PTPN9: variants seen among roughly 807,000 people sequenced by gnomAD.
PTPN9 encodes the protein protein tyrosine phosphatase non-receptor type 9.
In PTPN9, 26 loss-of-function variants were observed where a neutral mutation model predicts 69.8. The observed-to-expected ratio is 0.37, with a 90% CI of 0.27 to 0.52. The LOEUF is 0.52. Among genes scored for constraint, PTPN9 ranks in the 20% least tolerant of loss-of-function variants. PTPN9 has a pLI of 0.91. For synonymous variants in PTPN9, 274 were observed against 272.5 expected, an observed-to-expected ratio of 1.01 and a Z score of -0.05; for missense variants, 549 against 740.3, an observed-to-expected ratio of 0.74 and a Z score of 3.00.
intron 1 of PTPN9, among the ~76,000 whole-genome samples, chr15:75,574,347 G>GGGGC (rs996424119): frequency 2.6e-5 from 4 of 151,860 alleles, no homozygotes; most frequent in African/African-American, 2.4e-5. Flanking sequence ...GCTTCTTTGC[G>GGGGC]GGGCAGGCAG....
At chr15:75,520,051 G>A (rs964355196) in intron 4 of PTPN9, among the ~76,000 whole-genome samples, 4 of 152,218 alleles carry the variant, frequency 2.6e-5, no homozygotes, top group African/African-American at 9.6e-5. Flanking sequence ...GATCATTTGA[G>A]CCCAGGAGTT....
intron 1 of PTPN9, among the ~76,000 whole-genome samples, chr15:75,547,833 T>G (rs1399757730): frequency 6.6e-6 from 1 of 151,844 alleles, no homozygotes; most frequent in African/African-American, 2.4e-5. Context: ...ACCCGGCTAA[T>G]TTTTGTATTT....
intron 1 of PTPN9, among the ~76,000 whole-genome samples, chr15:75,539,115 G>T (rs2074997471): frequency 6.6e-6 from 1 of 152,082 alleles, no homozygotes; most frequent in Non-Finnish European, 1.5e-5. Flanking sequence ...GGCCGGGCGT[G>T]GTGGCTCACG....
intron 4 of PTPN9, among the ~76,000 whole-genome samples, chr15:75,518,802 G>GC (rs1194663991): frequency 1.4e-5 from 2 of 147,056 alleles, no homozygotes; most frequent in Non-Finnish European, 3.0e-5. Flanking sequence ...GGGCAACAGA[G>GC]CGAGACTCCA....
chr15:75,541,720 T>C (rs1272955708), intron 1 of PTPN9, among the ~76,000 whole-genome samples: 2 of 151,824 alleles, frequency 1.3e-5, no homozygotes, highest in East Asian at 2.0e-4. Flanking sequence ...TTATTTTTTG[T>C]TTTTGAGACG....
intron 1 of PTPN9, among the ~76,000 whole-genome samples, chr15:75,559,515 G>C (rs191391402): frequency 7.2e-5 from 11 of 152,148 alleles, no homozygotes; most frequent in Non-Finnish European, 1.3e-4. Context: ...TCCACTCAGC[G>C]TTAGATGGAT....
chr15:75,485,709 A>G (rs947222912), intron 8 of PTPN9, among the ~76,000 whole-genome samples: 7 of 151,662 alleles, frequency 4.6e-5, no homozygotes, highest in African/African-American at 1.7e-4. Flanking sequence ...TTTCTTTATA[A>G]CTAAGAATTA....
chr15:75,560,139 C>CAA (rs34674711), intron 1 of PTPN9, among the ~76,000 whole-genome samples: 1 of 132,240 alleles, frequency 7.6e-6, no homozygotes. Context: ...GACTCCATCT[C>CAA]AAAAAAAAAA....
At chr15:75,566,370 G>A (rs1255568617) in intron 1 of PTPN9, among the ~76,000 whole-genome samples, 1 of 152,162 alleles carries the variant, frequency 6.6e-6, no homozygotes, top group African/African-American at 2.4e-5. Context: ...TTCAGAAAGT[G>A]TTATTTTTCA....
At chr15:75,523,444 A>G in intron 3 of PTPN9, among the ~76,000 whole-genome samples, 199 bp from the exon 4 acceptor site, 1 of 152,094 alleles carries the variant, frequency 6.6e-6, no homozygotes, top group East Asian at 1.9e-4. Context: ...TCCCTGGACC[A>G]TATTTCTGTG....
chr15:75,468,819 C>T lies in PTPN9; in HGVS notation c.1732G>A (p.Glu578Lys). The change falls in exon 13 of 13, where the codon GAG (glutamate) becomes AAG (lysine). Residue 578 changes from glutamate to lysine, a missense_variant. Around this residue, in one of 3 missense-constraint regions of PTPN9, gnomAD observed 30 missense variants for 24.8 expected, o/e 1.21. Coordinates refer to ENST00000618819, the MANE Select transcript of PTPN9 (RefSeq NM_002833.4). ...TTTTGGCCAGAGGATACCATGCCCTCCTTCTCTGCGAACTCCAGGATGGCC... is the reference window on the plus strand; with the variant it reads ...TTTTGGCCAGAGGATACCATGCCCTTCTTCTCTGCGAACTCCAGGATGGCC... ...YKAILEFAEK[E>K]GMVSSGQNLL... is the part of the protein sequence containing the mutation. 6.2e-7 allele frequency: 1 copy of T among 1,614,150 alleles called. No homozygotes were observed. Among genetic ancestry groups the T allele is most frequent in the Non-Finnish European group, 8.5e-7 (1 of 1,180,006 alleles).
At position 75,517,339 on chromosome 15, in the gene PTPN9, C is replaced by T. The variant is rs761083078; in HGVS notation, c.448G>A (p.Val150Met). 1.2e-6 allele frequency: 2 copies of T among 1,613,190 alleles called. No homozygotes were observed. The highest frequency in any genetic ancestry group is 8.5e-7 in the Non-Finnish European group (1 of 1,179,630). ...GAACCACACATGTCATAGATAAACA[C>T]CAGTCCATTCCTCTGAGTTTCAAAG... ...DSFETQRNGL[V>M]FIYDMCGSNY... The change falls in exon 5 of 13, where the codon GTG becomes ATG. Residue 150 changes from valine (V) to methionine (M), a missense_variant. Around this residue, in one of 3 missense-constraint regions of PTPN9, gnomAD observed 457 missense variants for 661.9 expected, o/e 0.69. Transcript: ENST00000618819.
intron 8 of PTPN9, among the ~76,000 whole-genome samples, chr15:75,482,954 CAAA>C (rs775107887): frequency 1.1e-4 from 14 of 122,236 alleles, no homozygotes; most frequent in Non-Finnish European, 2.3e-4. Context: ...GACTCTGTCT[CAAA>C]AAAAAAAAAA....
chr15:75,572,872 G>C (rs977265266), intron 1 of PTPN9, among the ~76,000 whole-genome samples: 7 of 152,114 alleles, frequency 4.6e-5, no homozygotes, highest in Admixed American at 3.3e-4. Context: ...TTTTCCTATA[G>C]TAATTTCATC....
intron 4 of PTPN9, among the ~76,000 whole-genome samples, chr15:75,518,407 C>T (rs555854339): frequency 2.0e-5 from 3 of 147,470 alleles, no homozygotes; most frequent in South Asian, 4.3e-4. Flanking sequence ...GCAGCTGGAT[C>T]GCTTGAACCC....
intron 8 of PTPN9, among the ~76,000 whole-genome samples, chr15:75,482,642 G>A (rs1176351016): frequency 1.3e-5 from 2 of 149,256 alleles, no homozygotes; most frequent in Admixed American, 1.3e-4. Flanking sequence ...AAACACTGCG[G>A]AAGGCCGCAG....
At chr15:75,539,496 C>T (rs867599530) in intron 1 of PTPN9, among the ~76,000 whole-genome samples, 1 of 145,844 alleles carries the variant, frequency 6.9e-6, no homozygotes, top group Non-Finnish European at 1.5e-5. Flanking sequence ...TTAGTAGAGA[C>T]GGGGTTTCAC....
chr15:75,558,874 C>T (rs1049082459), intron 1 of PTPN9, among the ~76,000 whole-genome samples: 1 of 151,994 alleles, frequency 6.6e-6, no homozygotes, highest in Non-Finnish European at 1.5e-5. Context: ...GATCTCGGCT[C>T]GCTACAACCT....
At chr15:75,558,681 G>A (rs1361591266) in intron 1 of PTPN9, among the ~76,000 whole-genome samples, 5 of 152,288 alleles carry the variant, frequency 3.3e-5, no homozygotes, top group African/African-American at 1.2e-4. Context: ...GGCGCGCGCC[G>A]CCACACCTGA....
Sources: gnomAD v4.1 joint callset for allele counts (sites outside exome capture counted in the v4.1 genomes callset) on GRCh38, gnomAD v4.1.1 for gene constraint, gnomAD v4.1.1 regional missense constraint, MANE v1.5 for transcripts, NCBI Gene and HGNC (gene_info 2026-07-23, HGNC 2026-07-21) for gene names.